Variants in CAPZA1 observed in about 807,000 individuals in gnomAD.
The protein encoded by CAPZA1 is F-actin-capping protein subunit alpha-1.
A neutral mutation model predicts 40.8 loss-of-function variants in CAPZA1; 10 were observed. The observed-to-expected ratio is 0.25, with a 90% CI of 0.15 to 0.42. The LOEUF is 0.42. Among genes scored for constraint, CAPZA1 ranks in the 10% least tolerant of loss-of-function variants. CAPZA1 has a pLI of 1.00. For missense variants in CAPZA1, 277 were observed against 353.8 expected (o/e 0.78, Z 1.74); for synonymous variants, 98 against 115.0 (o/e 0.85, Z 0.95).
chr1:112,656,856 AGGC>A (rs1671509415), intron 5 of CAPZA1, among the ~76,000 whole-genome samples: 1 of 151,932 alleles, frequency 6.6e-6, no homozygotes. Flanking sequence ...GTCCTCTGAC[AGGC>A]ATCTAATCCC....
rs1010948308 is a variant in CAPZA1 at position 112,669,129 on chromosome 1, G to A, written c.658-414G>A. On this transcript the variant is annotated intron_variant, in intron 8 of 9. Transcript: ENST00000263168. ...CATATGTGAGCTTATGTATATGACT[G>A]ATGTGTCCAAGGGCATTGTTCATAC... 2.0e-5 allele frequency among the ~76,000 whole-genome samples: 3 copies of A among 152,216 alleles called. No individual in the cohort carries two copies. The South Asian group carries it at 6.2e-4, about 31-fold the overall frequency.
At chr1:112,630,376 C>T (rs1316512043) in intron 1 of CAPZA1, among the ~76,000 whole-genome samples, 5 of 151,978 alleles carry the variant, frequency 3.3e-5, no homozygotes, top group Admixed American at 6.6e-5. Context: ...GAGAGTCTCA[C>T]TCTTTCGCCC....
chr1:112,622,207 C>T (rs1670691061), intron 1 of CAPZA1, among the ~76,000 whole-genome samples: 1 of 152,078 alleles, frequency 6.6e-6, no homozygotes, highest in Admixed American at 6.6e-5. Flanking sequence ...TGATAATGGA[C>T]TCTTAGTTTC....
At chr1:112,647,346 T>C (rs1386372382) in intron 2 of CAPZA1, 73 bp downstream of exon 2, 1 of 786,872 alleles carries the variant, frequency 1.3e-6, no homozygotes, top group Non-Finnish European at 1.9e-6. Context: ...CTGTTTTAAT[T>C]CTTACGACTT....
At chr1:112,632,242 AG>A (rs770842077) in intron 1 of CAPZA1, among the ~76,000 whole-genome samples, 1 of 152,152 alleles carries the variant, frequency 6.6e-6, no homozygotes, top group Non-Finnish European at 1.5e-5. Context: ...CGGGAGGTGG[AG>A]GTTGCAGTGC....
intron 5 of CAPZA1, among the ~76,000 whole-genome samples, chr1:112,655,305 C>A (rs752433208): frequency 3.6e-4 from 55 of 152,078 alleles, no homozygotes; most frequent in Non-Finnish European, 6.6e-4. Context: ...CATGGTGAAA[C>A]CTTTACTTAA....
In CAPZA1 at chr1:112,624,554, G is replaced by C. The variant is rs1235967849; in HGVS notation, c.39+4671G>C. Among the ~76,000 whole-genome samples the C allele has an allele frequency of 2.2e-5, 3 of 133,930 alleles. No individual in the cohort carries two copies. In the East Asian group the frequency reaches 6.8e-4, roughly 30 times the overall value. The allele number at this position is 133,930 out of a possible 152,430, so 87.9% of individuals were successfully genotyped here. On this transcript the variant is annotated intron_variant, in intron 1 of 9. Transcript: ENST00000263168. ...ACCCAGGAGGCGGAGGTTGCAGTGAGCCGAGATCGCGCCATTGCACTCCAG... is the reference window on the plus strand; with the variant it reads ...ACCCAGGAGGCGGAGGTTGCAGTGACCCGAGATCGCGCCATTGCACTCCAG...
At chr1:112,665,728 G>A (rs190792097) in intron 7 of CAPZA1, among the ~76,000 whole-genome samples, 115 of 152,104 alleles carry the variant, frequency 7.6e-4, no homozygotes, top group African/African-American at 2.1e-3. Flanking sequence ...CTTTTAGAAC[G>A]GCACTAATCC....
intron 1 of CAPZA1, among the ~76,000 whole-genome samples, chr1:112,634,427 G>GT (rs1670979171): frequency 6.6e-6 from 1 of 152,128 alleles, no homozygotes. Context: ...AAGTTGTGTA[G>GT]TTATTGGTGG....
chr1:112,668,933 C>T (rs541455988), intron 8 of CAPZA1, among the ~76,000 whole-genome samples: 1 of 152,258 alleles, frequency 6.6e-6, no homozygotes, highest in South Asian at 2.1e-4. Context: ...TAGTTTTGAC[C>T]TCATAGTCTG....
At chr1:112,657,091 G>C (rs1325797101) in intron 5 of CAPZA1, among the ~76,000 whole-genome samples, 1 of 151,826 alleles carries the variant, frequency 6.6e-6, no homozygotes. Flanking sequence ...TAGTAGAGAC[G>C]GGGTTTCACT....
intron 8 of CAPZA1, among the ~76,000 whole-genome samples, chr1:112,668,614 T>G (rs1671770920): frequency 6.6e-6 from 1 of 152,150 alleles, no homozygotes; most frequent in African/African-American, 2.4e-5. Context: ...GGCTCCCGAG[T>G]AGCTGGGATT....
chr1:112,666,643 A>G (rs948382144), intron 7 of CAPZA1, among the ~76,000 whole-genome samples: 3 of 152,198 alleles, frequency 2.0e-5, no homozygotes, highest in Non-Finnish European at 2.9e-5. Flanking sequence ...GCTTACCAAC[A>G]TTGATGATAA....
intron 1 of CAPZA1, among the ~76,000 whole-genome samples, chr1:112,645,130 C>A (rs1671255743): frequency 6.6e-6 from 1 of 152,210 alleles, no homozygotes; most frequent in Admixed American, 6.5e-5. Flanking sequence ...ATAAACTGCT[C>A]ACATACCCTG....
intron 5 of CAPZA1, among the ~76,000 whole-genome samples, chr1:112,657,998 G>C (rs1671531881): frequency 6.6e-6 from 1 of 152,144 alleles, no homozygotes; most frequent in Non-Finnish European, 1.5e-5. Context: ...AAGTAACACA[G>C]ACTTCGGTGT....
intron 1 of CAPZA1, chr1:112,620,840 G>A (rs1314767516): frequency 6.6e-6 from 1 of 152,206 alleles, no homozygotes; most frequent in East Asian, 1.9e-4. Context: ...CAGTTTGTCA[G>A]GCTTTTCAGT....
rs1553181442 is a variant in CAPZA1, at chr1:112,670,365, T to TTTTC, written c.*236_*237insCTTT. The TTTTC allele has an allele frequency of 2.0e-5, 7 of 356,402 alleles. No homozygotes were observed. The highest frequency in any genetic ancestry group is 3.1e-5 in the Non-Finnish European group (6 of 196,408). The allele number at this position is 356,402 out of a possible 1,614,324, so 22.1% of individuals were successfully genotyped here. A position where few individuals can be genotyped will look rare whatever the true frequency, so the allele number is the denominator to read the frequency against. On this transcript the variant is annotated 3_prime_UTR_variant, in exon 10 of 10. Coordinates refer to ENST00000263168, the MANE Select transcript of CAPZA1 (RefSeq NM_006135.3). ...ATCTACGTGTAAATCTTTTTTTCTT[T>TTTTC]TTTTTTTTTTTTTTTTGGTTAATTC...
At chr1:112,629,263 A>G (rs2101140176) in intron 1 of CAPZA1, among the ~76,000 whole-genome samples, 2 of 152,186 alleles carry the variant, frequency 1.3e-5, no homozygotes, top group Middle Eastern at 6.8e-3. Context: ...TTCCTTCTGT[A>G]TCCCTCATTT....
chr1:112,637,797 G>C (rs1267052365), intron 1 of CAPZA1, among the ~76,000 whole-genome samples: 2 of 152,052 alleles, frequency 1.3e-5, no homozygotes, highest in Non-Finnish European at 2.9e-5. Flanking sequence ...CTTTTGGAAT[G>C]GTTGAAAACA....
Sources: allele counts gnomAD v4.1 joint callset (sites outside exome capture counted in the v4.1 genomes callset), GRCh38; gene constraint gnomAD v4.1.1; transcripts MANE v1.5; gene names NCBI Gene and HGNC (gene_info 2026-07-23, HGNC 2026-07-21).